The following NEIL3 variants were observed in gnomAD, a reference collection of about 807,000 sequenced individuals.
The protein encoded by NEIL3 is endonuclease 8-like 3.
In NEIL3, 48 loss-of-function variants were observed where a neutral mutation model predicts 57.5. The observed-to-expected ratio is 0.83, with a 90% confidence interval of 0.66 to 1.06. The LOEUF (loss-of-function observed/expected upper bound fraction) is 1.06. Ranked by LOEUF, NEIL3 falls within the 50% of genes least tolerant of loss-of-function variation. The pLI, the probability that NEIL3 is intolerant of heterozygous loss-of-function variation, is 0.00. For synonymous variants in NEIL3, 261 were observed against 253.2 expected, an observed-to-expected ratio of 1.03 and a Z score of -0.29; for missense variants, 717 against 739.1, an observed-to-expected ratio of 0.97 and a Z score of 0.35.
At chr4:177,351,294 AT>A (rs1247784822) in intron 6 of NEIL3, 85 bp from the exon 7 acceptor site, 1 of 745,860 alleles carries the variant, frequency 1.3e-6, no homozygotes. Context: ...GCATTGGGGT[AT>A]TAATGGTTCT....
the NEIL3 span, among the ~76,000 whole-genome samples, chr4:177,369,294 T>G: frequency 6.6e-6 from 1 of 152,134 alleles, no homozygotes; most frequent in Admixed American, 6.5e-5. Flanking sequence ...GCAGCAGGCA[T>G]AGCATATACA....
Position 177,335,838 on chromosome 4 carries a change from T to G in NEIL3, c.413+16T>G, listed in dbSNP as rs746490616. 1 of 1,521,698 alleles carries G rather than the reference T, an allele frequency of 6.6e-7. No homozygotes were observed. The highest frequency in any genetic ancestry group is 8.8e-7 in the Non-Finnish European group (1 of 1,140,094). The allele number at this position is 1,521,698 out of a possible 1,614,324, so 94.3% of individuals were successfully genotyped here. A position where few individuals can be genotyped will look rare whatever the true frequency, so the allele number is the denominator to read the frequency against. Reference sequence around the variant, plus strand: ...TAGAACTCAGGTAAAAAAAATTAAATAAAAGTACTTACGCTGCAATACTGC... The same window carrying G: ...TAGAACTCAGGTAAAAAAAATTAAAGAAAAGTACTTACGCTGCAATACTGC... On this transcript the variant is annotated intron_variant, in intron 3 of 9. Coordinates refer to ENST00000264596, the MANE Select transcript of NEIL3 (RefSeq NM_018248.3).
rs549231472 is a variant in NEIL3, at chr4:177,347,420, G to A, written c.870-3960G>A. On this transcript the variant is annotated intron_variant, in intron 6 of 9. Coordinates refer to ENST00000264596, the MANE Select transcript of NEIL3 (RefSeq NM_018248.3). ...GGGGAGCCTTTGGAGGGTTTTGAAC[G>A]GGCGTGAAATAACTGACTTAATGTT... 3.3e-5 allele frequency among the ~76,000 whole-genome samples: 5 copies of A among 152,210 alleles called. No homozygotes were observed. In the East Asian group the frequency reaches 7.7e-4, roughly 24 times the overall value.
chr4:177,336,349 C>G, intron 4 of NEIL3, 28 bp downstream of exon 4: 1 of 1,593,932 alleles, frequency 6.3e-7, no homozygotes, highest in Non-Finnish European at 8.6e-7. Flanking sequence ...TTTTAATTAT[C>G]TGTTGATTTT....
the NEIL3 span, among the ~76,000 whole-genome samples, chr4:177,370,949 A>T: frequency 2.0e-5 from 3 of 152,016 alleles, no homozygotes; most frequent in East Asian, 3.9e-4. Context: ...AAAAAAAAAG[A>T]TCCTCTGACT....
At chr4:177,331,600 T>C (rs116765830) in intron 2 of NEIL3, among the ~76,000 whole-genome samples, 4,012 of 152,272 alleles carry the variant, frequency 0.026, 115 homozygotes, top group African/African-American at 0.068. Context: ...CTTGATATAT[T>C]TATCTCTTGA....
At chr4:177,347,833 C>A (rs1003717814) in intron 6 of NEIL3, among the ~76,000 whole-genome samples, 1 of 152,086 alleles carries the variant, frequency 6.6e-6, no homozygotes, top group Non-Finnish European at 1.5e-5. Context: ...GAAATCACAA[C>A]AAATTATATT....
chr4:177,328,548 A>G (rs1443328037), intron 2 of NEIL3, among the ~76,000 whole-genome samples: 1 of 152,330 alleles, frequency 6.6e-6, no homozygotes, highest in East Asian at 1.9e-4. Flanking sequence ...TTGCTGAAAG[A>G]AAAACCTCTC....
In NEIL3 at chr4:177,327,690, C is replaced by T. The variant is rs547196788; in HGVS notation, c.278+5110C>T. Among the ~76,000 whole-genome samples the T allele has an allele frequency of 1.5e-4, 23 of 152,172 alleles. No individual in the cohort carries two copies. The South Asian group carries it at 2.3e-3, about 15-fold the overall frequency. ...GTAGTGGTGAGAGCAAATAAGTTTGCCTTGTTGTCTGTGATATTAGCTTTA... is the reference window on the plus strand; with the variant it reads ...GTAGTGGTGAGAGCAAATAAGTTTGTCTTGTTGTCTGTGATATTAGCTTTA... On this transcript the variant is annotated intron_variant, in intron 2 of 9. Coordinates refer to ENST00000264596, the MANE Select transcript of NEIL3 (RefSeq NM_018248.3).
intron 1 of NEIL3, among the ~76,000 whole-genome samples, chr4:177,316,944 G>A (rs984341622): frequency 1.3e-5 from 2 of 152,058 alleles, no homozygotes; most frequent in African/African-American, 2.4e-5. Flanking sequence ...GCAAGGAAGA[G>A]GTTTTACTAA....
chr4:177,336,706 A>T (rs954678102), intron 4 of NEIL3, among the ~76,000 whole-genome samples: 2 of 152,242 alleles, frequency 1.3e-5, no homozygotes, highest in Non-Finnish European at 2.9e-5. Flanking sequence ...GAAGTATCCC[A>T]ACATCTAGAA....
At position 177,362,367 on chromosome 4, in the gene NEIL3, A is replaced by G. The variant is rs1735626732; in HGVS notation, c.1714A>G (p.Asn572Asp). The change falls in exon 10 of 10, where the codon AAT becomes GAT. Residue 572 changes from asparagine to aspartate, a missense_variant. Coordinates refer to ENST00000264596, the MANE Select transcript of NEIL3 (RefSeq NM_018248.3). ...MKTVLKIGPN[N>D]GKNFFVCPLG... ...AACAGTATTGAAGATTGGACCTAAC[A>G]ATGGAAAGAATTTTTTTGTGTGTCC... 1.9e-6 allele frequency: 3 copies of G among 1,613,772 alleles called. 1 individual carries two copies. Among genetic ancestry groups the G allele is most frequent in the East Asian group, 4.5e-5 (2 of 44,842 alleles).
intron 4 of NEIL3, among the ~76,000 whole-genome samples, chr4:177,338,050 A>G (rs1391611674): frequency 9.9e-5 from 15 of 151,768 alleles, no homozygotes. Flanking sequence ...ACACACACAC[A>G]TTTCTGAAAT....
downstream of NEIL3, among the ~76,000 whole-genome samples, chr4:177,366,317 TATTA>T (rs763193834): frequency 1.3e-5 from 2 of 152,212 alleles, no homozygotes; most frequent in African/African-American, 4.8e-5. Context: ...AGTGTTACCA[TATTA>T]ATTCTAATTG....
intron 9 of NEIL3, among the ~76,000 whole-genome samples, chr4:177,362,022 A>G (rs1442473354): frequency 6.6e-6 from 1 of 152,216 alleles, no homozygotes. Context: ...CAAAGTGAAG[A>G]AACTTCTGTA....
At chr4:177,343,934 A>G (rs1264481620) in intron 6 of NEIL3, among the ~76,000 whole-genome samples, 1 of 152,110 alleles carries the variant, frequency 6.6e-6, no homozygotes, top group Non-Finnish European at 1.5e-5. Flanking sequence ...GATCTTCAAT[A>G]TATATTTGTC....
chr4:177,350,601 C>T (rs1231740159), intron 6 of NEIL3, among the ~76,000 whole-genome samples: 1 of 152,136 alleles, frequency 6.6e-6, no homozygotes, highest in African/African-American at 2.4e-5. Context: ...TCAGCAGATA[C>T]TGTAGAGAAA....
intron 1 of NEIL3, among the ~76,000 whole-genome samples, chr4:177,317,721 C>T (rs1348616229): frequency 2.0e-5 from 3 of 150,290 alleles, no homozygotes; most frequent in Non-Finnish European, 4.4e-5. Flanking sequence ...CCTGCCTCAG[C>T]CTCCCAAATA....
intron 4 of NEIL3, among the ~76,000 whole-genome samples, chr4:177,336,666 T>G (rs893833298): frequency 1.3e-5 from 2 of 152,224 alleles, no homozygotes; most frequent in Non-Finnish European, 2.9e-5. Flanking sequence ...TAGAACACAG[T>G]CTCAAAAGGA....
Sources: allele counts gnomAD v4.1 joint callset (sites outside exome capture counted in the v4.1 genomes callset), GRCh38; gene constraint gnomAD v4.1.1; transcripts MANE v1.5; gene names NCBI Gene and HGNC (gene_info 2026-07-23, HGNC 2026-07-21).